SGCD: variants seen among roughly 807,000 people sequenced by gnomAD.
SGCD encodes the protein delta-sarcoglycan.
In SGCD, 18 loss-of-function variants were observed where a neutral mutation model predicts 36.6. The ratio of observed to expected loss-of-function variants is 0.49; its 90% CI spans 0.34 to 0.73. SGCD has a LOEUF of 0.73. Among genes scored for constraint, SGCD ranks in the 30% least tolerant of loss-of-function variants. The pLI is 0.01. For synonymous variants in SGCD, 133 were observed against 130.6 expected, an observed-to-expected ratio of 1.02 and a Z score of -0.12; for missense variants, 387 against 346.7, an observed-to-expected ratio of 1.12 and a Z score of -0.92.
intron 1 of SGCD, among the ~76,000 whole-genome samples, chr5:156,018,633 A>G (rs1299427892): frequency 6.6e-6 from 1 of 152,216 alleles, no homozygotes; most frequent in Non-Finnish European, 1.5e-5. Context: ...CTATCTATCC[A>G]GTTGATAAAT....
intron 7 of SGCD, among the ~76,000 whole-genome samples, chr5:156,648,110 CAGAG>C (rs376632761): frequency 8.5e-5 from 13 of 152,114 alleles, no homozygotes; most frequent in Non-Finnish European, 1.6e-4. Context: ...GATAAACAGA[CAGAG>C]AGCCTGAAAA....
rs568080060 is a variant in SGCD at position 156,504,068 on chromosome 5, G to A, written c.193-4533G>A. Among the ~76,000 whole-genome samples, 3 of 152,072 alleles carry A rather than the reference G, an allele frequency of 2.0e-5. No individual in the cohort carries two copies. In the South Asian group the frequency reaches 6.3e-4, roughly 32 times the overall value. On this transcript the variant is annotated intron_variant, in intron 3 of 8. Transcript: ENST00000337851. ...AGAATGCAAAAATTAGCCAGGCATA[G>A]TGGTGGGCACCTGTAATCTCAGCTA...
chr5:156,253,463 G>T (rs1400015983), intron 3 of SGCD, among the ~76,000 whole-genome samples: 1 of 152,078 alleles, frequency 6.6e-6, no homozygotes, highest in Admixed American at 6.5e-5. Flanking sequence ...GTTGGGATAA[G>T]AATTCAAGAC....
At chr5:156,619,880 C>T (rs1174382343) in intron 6 of SGCD, among the ~76,000 whole-genome samples, 1 of 152,198 alleles carries the variant, frequency 6.6e-6, no homozygotes, top group Non-Finnish European at 1.5e-5. Flanking sequence ...TCTACTTTTG[C>T]CAGGTACTGC....
chr5:155,841,034 A>AATACGTGGGCT, the SGCD span, among the ~76,000 whole-genome samples: 1 of 133,576 alleles, frequency 7.5e-6, no homozygotes, highest in Non-Finnish European at 1.5e-5. Flanking sequence ...AAAAAAAAAG[A>AATACGTGGGCT]CTGGGGCACT....
chr5:156,490,032 A>G (rs1396945286), intron 3 of SGCD, among the ~76,000 whole-genome samples: 1 of 152,038 alleles, frequency 6.6e-6, no homozygotes, highest in Non-Finnish European at 1.5e-5. Context: ...CAAAGGAGAC[A>G]TTACAACTGA....
At chr5:155,936,092 A>C (rs1194370900) in intron 1 of SGCD, among the ~76,000 whole-genome samples, 1 of 152,124 alleles carries the variant, frequency 6.6e-6, no homozygotes, top group African/African-American at 2.4e-5. Context: ...CAAAGAGGGT[A>C]TTACAGTCCT....
chr5:156,170,158 C>T (rs992267517), intron 3 of SGCD, among the ~76,000 whole-genome samples: 1 of 152,052 alleles, frequency 6.6e-6, no homozygotes, highest in African/African-American at 2.4e-5. Flanking sequence ...CTGCAAGACA[C>T]CATTAATAAG....
At chr5:156,197,744 T>G (rs895598340) in intron 3 of SGCD, among the ~76,000 whole-genome samples, 1 of 152,136 alleles carries the variant, frequency 6.6e-6, no homozygotes, top group African/African-American at 2.4e-5. Context: ...CTCTCCCAAA[T>G]TCTTTCTCTT....
intron 3 of SGCD, among the ~76,000 whole-genome samples, chr5:156,364,481 A>G (rs1368917422): frequency 1.3e-5 from 2 of 152,200 alleles, no homozygotes; most frequent in Non-Finnish European, 2.9e-5. Context: ...ATATCTGACA[A>G]TTGCATAAAT....
Position 156,224,925 on chromosome 5 carries a change from G to A in SGCD, c.-44+100906G>A, listed in dbSNP as rs549961239. ...AATCTTCCTCAGTTTAGAGTTTTAA[G>A]AACTTTGAGTGAGGCTGTTTTAAGA... On this transcript the variant is annotated intron_variant, in intron 3 of 9. Coordinates refer to the SGCD transcript ENST00000517913. Among the ~76,000 whole-genome samples the A allele has an allele frequency of 3.9e-5, 6 of 152,188 alleles. No homozygotes were observed. In the East Asian group the frequency reaches 1.2e-3, roughly 29 times the overall value.
intron 1 of SGCD, among the ~76,000 whole-genome samples, chr5:156,067,869 C>T (rs1193029626): frequency 7.5e-6 from 1 of 132,752 alleles, no homozygotes; most frequent in Non-Finnish European, 1.5e-5. Context: ...GAACCCGGTA[C>T]CTCAGATGGA....
At chr5:155,757,320 TCTAA>T in the SGCD span, among the ~76,000 whole-genome samples, 1 of 152,226 alleles carries the variant, frequency 6.6e-6, no homozygotes, top group Non-Finnish European at 1.5e-5. Flanking sequence ...TTTCATATAT[TCTAA>T]CTGATTTAAT....
intron 2 of SGCD, among the ~76,000 whole-genome samples, chr5:156,342,417 T>C (rs933299903): frequency 6.6e-6 from 1 of 152,260 alleles, no homozygotes; most frequent in African/African-American, 2.4e-5. Context: ...AATCCTAATT[T>C]GGCTCATTCA....
intron 7 of SGCD, among the ~76,000 whole-genome samples, chr5:156,745,367 C>T (rs1419733054): frequency 2.0e-5 from 3 of 152,126 alleles, no homozygotes; most frequent in Non-Finnish European, 2.9e-5. Flanking sequence ...ATTCATATCA[C>T]CTGGATGGGC....
chr5:155,894,715 G>A (rs996597730), intron 1 of SGCD, among the ~76,000 whole-genome samples: 10 of 152,092 alleles, frequency 6.6e-5, no homozygotes, highest in Non-Finnish European at 1.0e-4. Context: ...TGCTCCTTAC[G>A]AGACTCTAAC....
intron 6 of SGCD, among the ~76,000 whole-genome samples, chr5:156,631,907 A>G (rs550960139): frequency 6.6e-6 from 1 of 152,326 alleles, no homozygotes; most frequent in African/African-American, 2.4e-5. Context: ...GTCAAGACAT[A>G]GAAGCCTCTA....
chr5:156,471,998 C>T (rs1754990710), intron 3 of SGCD, among the ~76,000 whole-genome samples: 1 of 152,048 alleles, frequency 6.6e-6, no homozygotes, highest in Middle Eastern at 3.2e-3. Flanking sequence ...GCCAATTAAG[C>T]ACATGAAAAT....
At chr5:156,642,655 G>A (rs1051410667) in intron 6 of SGCD, among the ~76,000 whole-genome samples, 2 of 151,544 alleles carry the variant, frequency 1.3e-5, no homozygotes, top group African/African-American at 4.8e-5. Flanking sequence ...TTTTAGTAGC[G>A]ACAAGGTTTC....
Sources: allele counts gnomAD v4.1 joint callset (sites outside exome capture counted in the v4.1 genomes callset), GRCh38; gene constraint gnomAD v4.1.1; transcripts MANE v1.5; gene names NCBI Gene and HGNC (gene_info 2026-07-23, HGNC 2026-07-21).